The following GARRE1 variants were observed in gnomAD, a reference collection of about 807,000 sequenced individuals.
GARRE1 encodes granule associated Rac and RHOG effector protein 1.
GARRE1 carries 49 observed loss-of-function variants against 103.2 expected under a neutral mutation model. The observed-to-expected ratio is 0.47, with a 90% confidence interval of 0.38 to 0.60. The LOEUF (loss-of-function observed/expected upper bound fraction) is 0.60, where lower values mean the gene tolerates loss of function less well. Among genes scored for constraint, GARRE1 ranks in the 20% least tolerant of loss-of-function variants. The pLI is 0.00. For synonymous variants in GARRE1, 505 were observed against 532.8 expected, an observed-to-expected ratio of 0.95 and a Z score of 0.72; for missense variants, 1,199 against 1,370.5, an observed-to-expected ratio of 0.87 and a Z score of 1.98.
Position 34,300,936 on chromosome 19 carries a change from G to A in GARRE1, c.463G>A (p.Asp155Asn). Residue 155 changes from aspartate to asparagine, a missense_variant, in exon 2 of 14, where the codon GAT (aspartate) becomes AAT (asparagine). Asp to Asn is a conservative substitution (Grantham distance 23, BLOSUM62 1). Transcript: ENST00000299505. ...ELSAGAANFT[D>N]QKEFSLQDIE... ...TAGTGCTGGGGCTGCAAATTTTACG[G>A]ATCAGAAGGAATTCAGTCTCCAGGA... 6.2e-7 allele frequency: 1 copy of A among 1,603,368 alleles called. No individual in the cohort carries two copies. Among genetic ancestry groups the A allele is most frequent in the East Asian group, 2.2e-5 (1 of 44,868 alleles).
intron 1 of GARRE1, among the ~76,000 whole-genome samples, chr19:34,260,310 TAAC>T (rs1238013830): frequency 2.0e-5 from 3 of 152,204 alleles, no homozygotes; most frequent in Non-Finnish European, 1.5e-5. Flanking sequence ...ATTGCATACT[TAAC>T]AGACTACAAT....
At chr19:34,327,599 A>C (rs1194337203) in intron 4 of GARRE1, 38 bp downstream of exon 4, 2 of 1,607,434 alleles carry the variant, frequency 1.2e-6, no homozygotes, top group Admixed American at 3.3e-5. Flanking sequence ...TTTCCACGGG[A>C]TAGAAACAAG....
chr19:34,294,494 G>A (rs1423802932), intron 1 of GARRE1, among the ~76,000 whole-genome samples: 5 of 151,784 alleles, frequency 3.3e-5, no homozygotes, highest in Admixed American at 3.3e-4. Flanking sequence ...TGTTTTGGGA[G>A]ACATTATTCT....
chr19:34,351,169 A>G (rs34552790), intron 12 of GARRE1, among the ~76,000 whole-genome samples: 14,554 of 149,852 alleles, frequency 0.097, 856 homozygotes, highest in East Asian at 0.2. Context: ...ACTGCACTCC[A>G]GCCTGGGAAA....
chr19:34,267,386 A>G (rs2073758894), intron 1 of GARRE1, among the ~76,000 whole-genome samples: 1 of 152,082 alleles, frequency 6.6e-6, no homozygotes, highest in Non-Finnish European at 1.5e-5. Context: ...TTTACTTTTT[A>G]GTAGAGTCGA....
intron 6 of GARRE1, among the ~76,000 whole-genome samples, chr19:34,329,429 T>C (rs755510205): frequency 9.9e-5 from 15 of 152,240 alleles, no homozygotes; most frequent in Non-Finnish European, 1.8e-4. Context: ...GTGTATATTA[T>C]CGCATATGTA....
At position 34,349,044 on chromosome 19, in the gene GARRE1, G is replaced by A. The variant is rs780085893; in HGVS notation, c.2716G>A (p.Ala906Thr). ...TGGCCTGCACGGTGGCTGGTCGGGT[G>A]CTCAGGGAGACTCTGCCAGCTCGAG... ...GDGLHGGWSG[A>T]QGDSASSSDE... is the part of the protein sequence containing the mutation. The change falls in exon 12 of 14, where the codon GCT becomes ACT. Residue 906 changes from alanine (A) to threonine (T), a missense_variant. Coordinates refer to ENST00000299505, the MANE Select transcript of GARRE1 (RefSeq NM_014686.5). The A allele has an allele frequency of 4.0e-5, 64 of 1,611,998 alleles. No homozygotes were observed. Among genetic ancestry groups the A allele is most frequent in the Non-Finnish European group, 5.4e-5 (64 of 1,180,010 alleles).
At chr19:34,256,532 A>G (rs2073674077) in intron 1 of GARRE1, among the ~76,000 whole-genome samples, 1 of 151,884 alleles carries the variant, frequency 6.6e-6, no homozygotes, top group South Asian at 2.1e-4. Flanking sequence ...AAAAAAAAAA[A>G]AAGAAATTCA....
chr19:34,326,628 G>T (rs895555300), intron 3 of GARRE1, among the ~76,000 whole-genome samples: 1 of 150,132 alleles, frequency 6.7e-6, no homozygotes, highest in African/African-American at 2.4e-5. Flanking sequence ...TATTTTTCCT[G>T]TTATGTATTC....
At chr19:34,310,020 T>C (rs1328845469) in intron 2 of GARRE1, among the ~76,000 whole-genome samples, 4 of 152,246 alleles carry the variant, frequency 2.6e-5, no homozygotes, top group Admixed American at 2.6e-4. Flanking sequence ...GAAATGTTGC[T>C]AATTTTGGGG....
intron 7 of GARRE1, 27 bp from the exon 8 acceptor site, chr19:34,333,675 TTG>T (rs1212556578): frequency 1.1e-5 from 13 of 1,140,320 alleles, no homozygotes; most frequent in South Asian, 5.3e-5. Context: ...TGGTTGTTAT[TTG>T]TTTTTTTTTT....
At chr19:34,286,859 C>T (rs1018885632) in intron 1 of GARRE1, among the ~76,000 whole-genome samples, 6 of 152,126 alleles carry the variant, frequency 3.9e-5, no homozygotes, top group African/African-American at 1.4e-4. Context: ...GCACTACAGT[C>T]GGCATCATCA....
intron 1 of GARRE1, among the ~76,000 whole-genome samples, chr19:34,282,016 CTG>C (rs1409112446): frequency 1.3e-5 from 2 of 152,090 alleles, no homozygotes; most frequent in Admixed American, 6.6e-5. Flanking sequence ...GCGTGTGTGT[CTG>C]TGTGTTTCTG....
intron 3 of GARRE1, 27 bp downstream of exon 3, chr19:34,320,143 G>T: frequency 6.2e-7 from 1 of 1,600,072 alleles, no homozygotes; most frequent in Non-Finnish European, 8.6e-7. Flanking sequence ...GGAGATTGGT[G>T]CCTGTGTTCA....
intron 1 of GARRE1, among the ~76,000 whole-genome samples, chr19:34,297,344 A>G (rs1216398455): frequency 1.3e-5 from 2 of 152,200 alleles, no homozygotes; most frequent in Non-Finnish European, 2.9e-5. Context: ...ATTTGGTGAA[A>G]TAGTATAACT....
intron 6 of GARRE1, 122 bp from the exon 7 acceptor site, chr19:34,330,067 A>C (rs2074130298): frequency 5.5e-6 from 5 of 914,896 alleles, no homozygotes; most frequent in Non-Finnish European, 8.3e-6. Context: ...CTTGGACGAT[A>C]GAAAAATACA....
In GARRE1 at chr19:34,328,031, G is replaced by A; in HGVS notation, c.984G>A (p.Arg328=). The change falls in exon 6 of 14, where the codon AGG becomes AGA. Residue 328 remains arginine (R), a synonymous_variant. Transcript: ENST00000299505. ...SEAEAQQTGR[R]QTPPQPMQCE... ...CGGAAGCCCAGCAGACGGGGCGGAG[G>A]CAGACACCCCCGCAGCCCATGCAGT... 1.2e-6 allele frequency: 2 copies of A among 1,614,138 alleles called. No individual in the cohort carries two copies. Among genetic ancestry groups the A allele is most frequent in the Non-Finnish European group, 1.7e-6 (2 of 1,180,032 alleles).
chr19:34,354,853 C>T lies in GARRE1; in HGVS notation c.*1898C>T, dbSNP rs975795643. 3.9e-5 allele frequency: 6 copies of T among 152,512 alleles called. No homozygotes were observed. The highest frequency in any genetic ancestry group is 1.4e-4 in the African/African-American group (6 of 41,410). 9.4% of individuals were successfully genotyped at this position (152,512 alleles called of 1,614,324 possible). A position where few individuals can be genotyped will look rare whatever the true frequency, so the allele number is the denominator to read the frequency against. ...TGTGCTGTGTGGGGATGCATTGCTGCCTGTATTTATGATCTTTTGCCGTGG... is the reference window on the plus strand; with the variant it reads ...TGTGCTGTGTGGGGATGCATTGCTGTCTGTATTTATGATCTTTTGCCGTGG... On this transcript the variant is annotated 3_prime_UTR_variant, in exon 14 of 14. Coordinates refer to ENST00000299505, the MANE Select transcript of GARRE1 (RefSeq NM_014686.5).
intron 1 of GARRE1, among the ~76,000 whole-genome samples, chr19:34,263,852 G>A (rs1243228434): frequency 6.6e-6 from 1 of 152,124 alleles, no homozygotes. Flanking sequence ...GTTGTGTAGA[G>A]TGAATGTAGC....
Sources: gnomAD v4.1 joint callset for allele counts (sites outside exome capture counted in the v4.1 genomes callset) on GRCh38, gnomAD v4.1.1 for gene constraint, MANE v1.5 for transcripts, NCBI Gene and HGNC (gene_info 2026-07-23, HGNC 2026-07-21) for gene names.